The following EIPR1 variants were observed in gnomAD, a reference collection of about 807,000 sequenced individuals.
The protein encoded by EIPR1 is EARP complex and GARP complex interacting protein 1, also known as EARP and GARP complex-interacting protein 1.
A neutral mutation model predicts 48.1 loss-of-function variants in EIPR1; 25 were observed. That is an observed-to-expected ratio of 0.52 (90% CI 0.38 to 0.73). The LOEUF (loss-of-function observed/expected upper bound fraction) is 0.73. Ranked by LOEUF, EIPR1 falls within the 30% of genes least tolerant of loss-of-function variation. The probability of loss-of-function intolerance (pLI) is 0.00; values close to 1 mark genes in which losing one functional copy is unlikely to be tolerated. For missense variants in EIPR1, 415 were observed against 506.2 expected, an observed-to-expected ratio of 0.82 and a Z score of 1.73; for synonymous variants, 204 against 201.9, an observed-to-expected ratio of 1.01 and a Z score of -0.09.
intron 5 of EIPR1, chr2:3,208,678 A>C: frequency 1.3e-6 from 2 of 1,550,452 alleles, no homozygotes; most frequent in Non-Finnish European, 1.7e-6. Context: ...TCATAACTCA[A>C]CCCCAATTCC....
At chr2:3,295,070 C>G (rs1487171393) in intron 3 of EIPR1, among the ~76,000 whole-genome samples, 1 of 141,884 alleles carries the variant, frequency 7.0e-6, no homozygotes, top group Non-Finnish European at 1.5e-5. Context: ...TCCACACACA[C>G]CTCCATCCAG....
At position 3,192,665 on chromosome 2, in the gene EIPR1, A is replaced by G. The variant is rs1664649317; in HGVS notation, c.822-84T>C. 18 of 1,442,912 alleles carry G rather than the reference A, an allele frequency of 1.2e-5. No homozygotes were observed. The Middle Eastern group carries it at 5.4e-4, about 43-fold the overall frequency. 89.4% of individuals were successfully genotyped at this position (1,442,912 alleles called of 1,614,324 possible). A position where few individuals can be genotyped will look rare whatever the true frequency, so the allele number is the denominator to read the frequency against. On this transcript the variant is annotated intron_variant, in intron 7 of 8. Transcript: ENST00000382125. The stretch of plus-strand genomic sequence containing the variant: ...GGATCACACCGGCTCTGAGGGCCCC[A>G]CTAGGCTGGGGCTCACGTTAGGCAC...
chr2:3,285,297 G>T (rs1016111204), intron 3 of EIPR1, among the ~76,000 whole-genome samples: 2 of 151,874 alleles, frequency 1.3e-5, no homozygotes, highest in African/African-American at 4.8e-5. Flanking sequence ...TGGGGGCCAG[G>T]AAACAGAGCC....
Position 3,349,249 on chromosome 2 carries a change from C to T in EIPR1, c.126+5301G>A, listed in dbSNP as rs530802837. Among the ~76,000 whole-genome samples the T allele has an allele frequency of 7.7e-4, 117 of 152,360 alleles. 1 individual carries two copies. The highest frequency in any genetic ancestry group is 2.8e-3 in the African/African-American group (117 of 41,600). ...CCACACTGCGTGGGGCCACCTGCCT[C>T]ACCAGAAAACCTGTTCTGCTGACTG... On this transcript the variant is annotated intron_variant, in intron 2 of 8. Transcript: ENST00000382125.
chr2:3,319,072 T>C (rs561073856), intron 3 of EIPR1: 10 of 407,656 alleles, frequency 2.5e-5, no homozygotes, highest in South Asian at 1.8e-4. Context: ...GTGTTTAAGA[T>C]ATTTAATCTC....
intron 3 of EIPR1, among the ~76,000 whole-genome samples, chr2:3,284,313 T>C (rs11690090): frequency 0.014 from 929 of 65,802 alleles, 25 homozygotes; most frequent in Non-Finnish European, 0.014. Flanking sequence ...CAGAAGGCCG[T>C]GCCACGGCTG....
intron 3 of EIPR1, among the ~76,000 whole-genome samples, chr2:3,294,822 C>CACA (rs1558279614): frequency 6.8e-6 from 1 of 146,474 alleles, no homozygotes; most frequent in African/African-American, 2.5e-5. Flanking sequence ...TCTCCACACA[C>CACA]CCTCCATCCA....
intron 4 of EIPR1, among the ~76,000 whole-genome samples, chr2:3,238,290 G>A (rs946742066): frequency 2.6e-5 from 4 of 152,114 alleles, no homozygotes; most frequent in Non-Finnish European, 4.4e-5. Flanking sequence ...TTTCCGGAGC[G>A]CCCGTGACCC....
At chr2:3,244,020 G>A (rs991952049) in intron 4 of EIPR1, among the ~76,000 whole-genome samples, 13 of 152,212 alleles carry the variant, frequency 8.5e-5, no homozygotes, top group African/African-American at 2.9e-4. Context: ...GGGTTCACAT[G>A]GTGTCTCCTC....
rs115311973 is a variant in EIPR1 at position 3,324,709 on chromosome 2, G to C, written c.259+13308C>G. ...CCTCAACTCTGGTCAGTGGGATGAT[G>C]CAGTAGGCAGGAGGCCCGCTGGAAG... On this transcript the variant is annotated intron_variant, in intron 3 of 8. Transcript: ENST00000382125. Among the ~76,000 whole-genome samples the C allele has an allele frequency of 6.9e-3, 1,052 of 152,362 alleles. 12 individuals carry two copies. The highest frequency in any genetic ancestry group is 0.024 in the African/African-American group (989 of 41,588).
chr2:3,268,127 C>G (rs1307492376), intron 3 of EIPR1, among the ~76,000 whole-genome samples: 2 of 152,178 alleles, frequency 1.3e-5, no homozygotes, highest in Non-Finnish European at 2.9e-5. Flanking sequence ...GTGACCCCAC[C>G]ACCTCAGCCT....
At position 3,193,958 on chromosome 2, in the gene EIPR1, C is replaced by T. The variant is rs376420414; in HGVS notation, c.821+41G>A. On this transcript the variant is annotated intron_variant, in intron 7 of 8. Coordinates refer to ENST00000382125, the MANE Select transcript of EIPR1 (RefSeq NM_003310.5). Reference sequence around the variant, plus strand: ...GTAAAGTAATTAGCAAAATCAATTGCGTAATCCCCTCCTCCCTGAAGCAGC... The same window carrying T: ...GTAAAGTAATTAGCAAAATCAATTGTGTAATCCCCTCCTCCCTGAAGCAGC... 146 of 1,606,208 alleles carry T rather than the reference C, an allele frequency of 9.1e-5. No individual in the cohort carries two copies. The African/African-American group carries it at 1.4e-3, about 15-fold the overall frequency.
At chr2:3,201,663 A>T (rs1466395096) in intron 5 of EIPR1, among the ~76,000 whole-genome samples, 1 of 152,206 alleles carries the variant, frequency 6.6e-6, no homozygotes, top group African/African-American at 2.4e-5. Context: ...GAGGAAGAAA[A>T]CAGAGCTGGA....
intron 1 of EIPR1, 121 bp downstream of exon 1, chr2:3,377,527 A>G (rs1161373871): frequency 1.6e-6 from 2 of 1,282,724 alleles, no homozygotes; most frequent in Non-Finnish European, 2.2e-6. Context: ...AATGGGAACT[A>G]GGGAACAGAC....
chr2:3,264,777 TCC>T (rs942159855), intron 3 of EIPR1, among the ~76,000 whole-genome samples: 3 of 152,248 alleles, frequency 2.0e-5, no homozygotes, highest in African/African-American at 7.2e-5. Flanking sequence ...AACCTCCGCC[TCC>T]CGGGTTCAAG....
At chr2:3,320,107 A>C in intron 3 of EIPR1, 1 of 177,038 alleles carries the variant, frequency 5.6e-6, no homozygotes, top group Non-Finnish European at 1.2e-5. Context: ...CAGGCAGGGC[A>C]ACACCGCCCC....
chr2:3,343,983 T>C (rs1056938179), intron 2 of EIPR1, among the ~76,000 whole-genome samples: 1 of 152,140 alleles, frequency 6.6e-6, no homozygotes, highest in African/African-American at 2.4e-5. Context: ...AGGAGGAGGA[T>C]GGCTTGAGCC....
chr2:3,220,361 AG>A (rs1166386579), intron 4 of EIPR1, among the ~76,000 whole-genome samples: 1 of 151,534 alleles, frequency 6.6e-6, no homozygotes, highest in Non-Finnish European at 1.5e-5. Flanking sequence ...TACATTTTAC[AG>A]CATTTATAGA....
chr2:3,339,141 G>T (rs1338146289), intron 2 of EIPR1, among the ~76,000 whole-genome samples: 1 of 152,182 alleles, frequency 6.6e-6, no homozygotes, highest in African/African-American at 2.4e-5. Context: ...ATACACAAAA[G>T]AAACTGTACG....
Sources: allele counts gnomAD v4.1 joint callset (sites outside exome capture counted in the v4.1 genomes callset), GRCh38; gene constraint gnomAD v4.1.1; transcripts MANE v1.5; gene names NCBI Gene and HGNC (gene_info 2026-07-23, HGNC 2026-07-21).